Variants in DDX60L observed in about 807,000 individuals in gnomAD.
The protein encoded by DDX60L is probable ATP-dependent RNA helicase DDX60-like.
A neutral mutation model predicts 211.6 loss-of-function variants in DDX60L; 191 were observed. The ratio of observed to expected loss-of-function variants is 0.90; its 90% CI spans 0.80 to 1.02. The LOEUF (loss-of-function observed/expected upper bound fraction) is 1.02, where lower values mean the gene tolerates loss of function less well. Ranked by LOEUF, DDX60L falls within the 50% of genes least tolerant of loss-of-function variation. DDX60L has a pLI of 0.00. For synonymous variants in DDX60L, 706 were observed against 694.1 expected, an observed-to-expected ratio of 1.02 and a Z score of -0.27; for missense variants, 2,007 against 1,984.1, an observed-to-expected ratio of 1.01 and a Z score of -0.22.
At chr4:168,430,268 A>G (rs938963955) in intron 13 of DDX60L, among the ~76,000 whole-genome samples, 1 of 152,182 alleles carries the variant, frequency 6.6e-6, no homozygotes, top group Non-Finnish European at 1.5e-5. Flanking sequence ...CAGTTTCTGT[A>G]CAGCCTGCAG....
Position 168,416,759 on chromosome 4 carries a change from C to T in DDX60L, c.2649G>A (p.Trp883Ter), listed in dbSNP as rs1187178931. 6.2e-7 allele frequency: 1 copy of T among 1,600,902 alleles called. No individual in the cohort carries two copies. Among genetic ancestry groups the T allele is most frequent in the African/African-American group, 1.3e-5 (1 of 74,228 alleles). The change falls in exon 20 of 38, where the codon TGG (tryptophan) becomes TGA (stop). Residue 883 changes from tryptophan (W) to a stop codon, truncating the protein, a stop_gained. Coordinates refer to ENST00000682922, the MANE Select transcript of DDX60L (RefSeq NM_001012967.3). LOFTEE classifies it high-confidence loss of function. Reference sequence around the variant, plus strand: ...ATCGAATAATGACAAGGAGGAGCTCCCAAAATTTTGCTCCAACTTCTCTGC... The same window carrying T: ...ATCGAATAATGACAAGGAGGAGCTCTCAAAATTTTGCTCCAACTTCTCTGC... ...YLGREVGAKF[W>*]ELLLVIIRCP...
At chr4:168,424,014 G>A (rs1411665736) in intron 14 of DDX60L, among the ~76,000 whole-genome samples, 2 of 152,012 alleles carry the variant, frequency 1.3e-5, no homozygotes, top group Admixed American at 6.6e-5. Flanking sequence ...GTAAGTATAG[G>A]CAAAAAAGAA....
chr4:168,359,746 C>T (rs759859875), intron 37 of DDX60L, among the ~76,000 whole-genome samples: 7 of 152,190 alleles, frequency 4.6e-5, no homozygotes, highest in Non-Finnish European at 8.8e-5. Context: ...CATTGCCTAA[C>T]AAATAAGACC....
rs532712893 is a variant in DDX60L at position 168,477,141 on chromosome 4, C to T, written c.-111+3236G>A. ...GTACAAAAGTGAAATCTTGGCTGGG[C>T]GCGGTGGCTCACGTCTGTAATCCCA... is the stretch of plus-strand genomic sequence containing the variant. On this transcript the variant is annotated intron_variant, in intron 1 of 37. Transcript: ENST00000682922. Among the ~76,000 whole-genome samples the T allele has an allele frequency of 6.6e-5, 10 of 152,216 alleles. 1 individual carries two copies. The highest frequency in any genetic ancestry group is 4.2e-4 in the South Asian group (2 of 4,818).
At chr4:168,453,899 C>T (rs561116618) in intron 7 of DDX60L, among the ~76,000 whole-genome samples, 124 of 152,188 alleles carry the variant, frequency 8.1e-4, no homozygotes, top group Non-Finnish European at 1.5e-3. Context: ...CCAAAAACAT[C>T]GTGCATGGTC....
In DDX60L at chr4:168,400,853, T is replaced by G. The variant is rs1391687952; in HGVS notation, c.3464A>C (p.Glu1155Ala). 6.2e-7 allele frequency: 1 copy of G among 1,612,774 alleles called. No homozygotes were observed. The highest frequency in any genetic ancestry group is 1.7e-5 in the Admixed American group (1 of 59,800). ...SYVFAIDEVL[E>A]KVRKTQKRIT... ...CCTTTTCTGTGTCTTCCTCACTTTT[T>G]CAAGTACTTCATCTATTGCAAAGAC... Residue 1155 changes from glutamate to alanine, a missense_variant, in exon 26 of 38, where the codon GAA becomes GCA. By Grantham distance (107) the Glu-to-Ala change is moderately radical. Transcript: ENST00000682922.
chr4:168,477,153 C>T lies in DDX60L; in HGVS notation c.-111+3224G>A, dbSNP rs150312042. Among the ~76,000 whole-genome samples the T allele has an allele frequency of 2.9e-3, 442 of 152,270 alleles. 1 individual carries two copies. Among genetic ancestry groups the T allele is most frequent in the African/African-American group, 9.5e-3 (394 of 41,556 alleles). On this transcript the variant is annotated intron_variant, in intron 1 of 37. Coordinates refer to ENST00000682922, the MANE Select transcript of DDX60L (RefSeq NM_001012967.3). ...AATCTTGGCTGGGCGCGGTGGCTCA[C>T]GTCTGTAATCCCAGCACTTTGGGAG...
At chr4:168,373,635 A>G (rs777242399) in intron 35 of DDX60L, 31 bp downstream of exon 35, 2 of 1,604,522 alleles carry the variant, frequency 1.2e-6, no homozygotes, top group South Asian at 2.2e-5. Context: ...TGTTAAACAC[A>G]TTTTGTACAT....
Position 168,457,907 on chromosome 4 carries a change from A to G in DDX60L, c.708T>C (p.Asn236=), listed in dbSNP as rs2150082911. 1 of 1,540,830 alleles carries G rather than the reference A, an allele frequency of 6.5e-7. No homozygotes were observed. The highest frequency in any genetic ancestry group is 2.4e-5 in the East Asian group (1 of 42,476). ...ATTTTAATACCTCTTCCATCATATC[A>G]TTCCATTTCAAATGTTCAAAATGAG... ...LATHFEHLKW[N]DMMEEAYQTL... is the part of the protein sequence containing the mutation. Residue 236 remains asparagine, a synonymous_variant, in exon 6 of 38, where the codon AAT becomes AAC. Transcript: ENST00000682922.
At chr4:168,441,768 G>C (rs28656005) in intron 9 of DDX60L, among the ~76,000 whole-genome samples, 2,446 of 152,128 alleles carry the variant, frequency 0.016, 72 homozygotes, top group African/African-American at 0.054. Flanking sequence ...AGGATCGCTT[G>C]AGCCCAAGAG....
intron 14 of DDX60L, among the ~76,000 whole-genome samples, chr4:168,424,878 T>C (rs1315488589): frequency 6.6e-6 from 1 of 152,238 alleles, no homozygotes; most frequent in African/African-American, 2.4e-5. Context: ...GGTGCGGTTT[T>C]GTTACTAAGT....
chr4:168,395,493 G>T (rs1009979188), intron 27 of DDX60L, among the ~76,000 whole-genome samples: 8 of 152,090 alleles, frequency 5.3e-5, no homozygotes, highest in Non-Finnish European at 1.0e-4. Context: ...AAGTACTTCT[G>T]CAATGGACAT....
intron 28 of DDX60L, among the ~76,000 whole-genome samples, chr4:168,393,458 T>C (rs779459368): frequency 1.1e-4 from 16 of 152,112 alleles, no homozygotes; most frequent in Non-Finnish European, 8.8e-5. Context: ...ATTATGCCAC[T>C]GCACTCCAGC....
At chr4:168,479,173 T>C (rs937899165) in intron 1 of DDX60L, among the ~76,000 whole-genome samples, 1 of 151,512 alleles carries the variant, frequency 6.6e-6, no homozygotes, top group Non-Finnish European at 1.5e-5. Context: ...GATAGAGAGA[T>C]AGGAGCTATA....
At chr4:168,472,418 T>C (rs778216672) in intron 3 of DDX60L, 37 bp downstream of exon 3, 2 of 1,399,726 alleles carry the variant, frequency 1.4e-6, no homozygotes, top group Non-Finnish European at 2.0e-6. Flanking sequence ...GAGCATACAA[T>C]AGTATAGCTC....
chr4:168,417,877 A>G (rs1303776480), intron 19 of DDX60L, among the ~76,000 whole-genome samples: 1 of 152,190 alleles, frequency 6.6e-6, no homozygotes, highest in Non-Finnish European at 1.5e-5. Context: ...AGTAATAAAT[A>G]CATAAAGAAG....
chr4:168,411,541 G>A (rs72695157), intron 22 of DDX60L, among the ~76,000 whole-genome samples: 5,865 of 152,052 alleles, frequency 0.039, 151 homozygotes, highest in Non-Finnish European at 0.059. Context: ...CTGACCCAGA[G>A]GAGAACTGCC....
chr4:168,448,639 TTGAG>T lies in DDX60L; in HGVS notation c.1133_1136del (p.Thr378LysfsTer5). 1.3e-6 allele frequency: 2 copies of T among 1,535,280 alleles called. No homozygotes were observed. Among genetic ancestry groups the T allele is most frequent in the Non-Finnish European group, 1.8e-6 (2 of 1,123,564 alleles). The stretch of plus-strand genomic sequence containing the variant: ...TGTTAATGCATATTCAGGTACTACC[TTGAG>T]TACTTTCAAATTCATAGTAGAAGGC... On this transcript the variant is annotated frameshift_variant and splice_region_variant, in exon 9 of 38. Coordinates refer to ENST00000682922, the MANE Select transcript of DDX60L (RefSeq NM_001012967.3). LOFTEE classifies it high-confidence loss of function.
At chr4:168,470,333 G>C (rs1335048275) in intron 4 of DDX60L, 1 of 152,238 alleles carries the variant, frequency 6.6e-6, no homozygotes, top group Non-Finnish European at 1.5e-5. Flanking sequence ...ACGAAGACTT[G>C]CATGTGAATG....
Sources: gnomAD v4.1 joint callset for allele counts (sites outside exome capture counted in the v4.1 genomes callset) on GRCh38, gnomAD v4.1.1 for gene constraint, MANE v1.5 for transcripts, NCBI Gene and HGNC (gene_info 2026-07-23, HGNC 2026-07-21) for gene names.